NEGR1: variants seen among roughly 807,000 people sequenced by gnomAD.
NEGR1 encodes the protein neuronal growth regulator 1.
NEGR1 carries 10 observed loss-of-function variants against 40.9 expected under a neutral mutation model. The observed-to-expected ratio is 0.24, with a 90% CI of 0.15 to 0.42. The LOEUF (loss-of-function observed/expected upper bound fraction) is 0.42, where lower values mean the gene tolerates loss of function less well. Ranked by LOEUF, NEGR1 falls within the 10% of genes least tolerant of loss-of-function variation. The pLI is 1.00. For missense variants in NEGR1, 352 were observed against 438.9 expected, an observed-to-expected ratio of 0.80 and a Z score of 1.77; for synonymous variants, 185 against 166.8, an observed-to-expected ratio of 1.11 and a Z score of -0.84.
At chr1:72,030,031 G>A (rs200491787) in intron 1 of NEGR1, among the ~76,000 whole-genome samples, 1 of 150,372 alleles carries the variant, frequency 6.7e-6, no homozygotes, top group African/African-American at 2.4e-5. Context: ...AGTGAAATAT[G>A]AAAAAAAAAA....
chr1:71,740,217 T>C (rs1024461951), intron 3 of NEGR1, among the ~76,000 whole-genome samples: 4 of 152,238 alleles, frequency 2.6e-5, no homozygotes, highest in African/African-American at 9.6e-5. Context: ...AACGTTTTGT[T>C]CTACGTCACA....
chr1:71,787,663 T>C (rs1024009479), intron 2 of NEGR1, among the ~76,000 whole-genome samples: 8 of 152,140 alleles, frequency 5.3e-5, no homozygotes, highest in Non-Finnish European at 5.9e-5. Flanking sequence ...TGAAGACACT[T>C]CATCATTACA....
At chr1:71,430,698 A>G (rs1646459998) in intron 6 of NEGR1, among the ~76,000 whole-genome samples, 1 of 137,290 alleles carries the variant, frequency 7.3e-6, no homozygotes. Flanking sequence ...GAATTAAAAA[A>G]AGGCCTTTTT....
intron 1 of NEGR1, among the ~76,000 whole-genome samples, chr1:72,006,895 T>C (rs1646612561): frequency 6.6e-6 from 1 of 152,148 alleles, no homozygotes. Context: ...AGTACATTGT[T>C]AACCACATTT....
intron 6 of NEGR1, among the ~76,000 whole-genome samples, chr1:71,457,289 G>A (rs1646679675): frequency 6.6e-6 from 1 of 152,076 alleles, no homozygotes; most frequent in Non-Finnish European, 1.5e-5. Context: ...CCTGCTTAAG[G>A]GCTTTCAATG....
At chr1:71,565,493 A>G (rs4649941) in intron 6 of NEGR1, among the ~76,000 whole-genome samples, 38,560 of 152,024 alleles carry the variant, frequency 0.25, 6,115 homozygotes, top group East Asian at 0.56. Context: ...GTGATTGCCA[A>G]ACTGGTGTTG....
chr1:71,827,481 A>AT (rs1482068445), intron 2 of NEGR1, among the ~76,000 whole-genome samples: 4 of 151,754 alleles, frequency 2.6e-5, no homozygotes, highest in Non-Finnish European at 4.4e-5. Context: ...AATGCCATAG[A>AT]TTTTTCCTTA....
chr1:72,008,830 A>G (rs1195746459), intron 1 of NEGR1, among the ~76,000 whole-genome samples: 1 of 152,074 alleles, frequency 6.6e-6, no homozygotes, highest in Non-Finnish European at 1.5e-5. Flanking sequence ...AATGACCCAT[A>G]GCATGTTAAT....
chr1:71,623,155 T>A (rs549649512), intron 4 of NEGR1, among the ~76,000 whole-genome samples: 1 of 151,560 alleles, frequency 6.6e-6, no homozygotes, highest in South Asian at 2.1e-4. Context: ...AAGAAAAAAA[T>A]AAGATTTATA....
chr1:71,875,882 A>C (rs1660413742), intron 2 of NEGR1, among the ~76,000 whole-genome samples: 1 of 152,236 alleles, frequency 6.6e-6, no homozygotes, highest in Admixed American at 6.5e-5. Flanking sequence ...AAAAAATGGA[A>C]AGGCTCGATG....
In NEGR1 at chr1:71,620,264, C is replaced by T. The variant is rs115699557; in HGVS notation, c.668-9118G>A. 4.1e-3 allele frequency among the ~76,000 whole-genome samples: 620 copies of T among 152,034 alleles called. 7 individuals carry two copies. The highest frequency in any genetic ancestry group is 0.014 in the African/African-American group (591 of 41,526). On this transcript the variant is annotated intron_variant, in intron 4 of 6. Coordinates refer to ENST00000357731, the MANE Select transcript of NEGR1 (RefSeq NM_173808.3). ...TTTAGAGTCTATAAAGAGGAAAAAT[C>T]GGTCCTACAGAATCCACATGGTTTG...
chr1:71,489,551 T>C (rs1322199378), intron 6 of NEGR1, among the ~76,000 whole-genome samples: 2 of 151,998 alleles, frequency 1.3e-5, no homozygotes, highest in Non-Finnish European at 2.9e-5. Context: ...GGAAAGGTTG[T>C]GTTACTAATA....
At chr1:71,613,527 A>G (rs920183058) in intron 4 of NEGR1, among the ~76,000 whole-genome samples, 5 of 151,954 alleles carry the variant, frequency 3.3e-5, no homozygotes, top group African/African-American at 7.3e-5. Context: ...GGCACCTGTA[A>G]TCCCAGCTGA....
At chr1:72,241,309 A>C (rs1183839090) in intron 1 of NEGR1, among the ~76,000 whole-genome samples, 1 of 151,754 alleles carries the variant, frequency 6.6e-6, no homozygotes, top group African/African-American at 2.4e-5. Context: ...TTAAATTTAA[A>C]TAGCAAATAT....
intron 1 of NEGR1, among the ~76,000 whole-genome samples, chr1:71,987,898 G>A (rs560713306): frequency 1.4e-3 from 218 of 151,654 alleles, no homozygotes; most frequent in Non-Finnish European, 2.5e-3. Flanking sequence ...TTTGACATAC[G>A]GAATTTGAAA....
intron 5 of NEGR1, among the ~76,000 whole-genome samples, chr1:71,609,556 A>AAAG (rs1650183502): frequency 7.4e-6 from 1 of 135,036 alleles, no homozygotes; most frequent in Non-Finnish European, 1.6e-5. Context: ...AAAAAAAAAA[A>AAAG]GAAATGAGAC....
chr1:71,898,619 A>C (rs903628665), intron 2 of NEGR1, among the ~76,000 whole-genome samples: 5 of 151,782 alleles, frequency 3.3e-5, no homozygotes, highest in African/African-American at 9.7e-5. Context: ...CGTCTCAAAA[A>C]ACAAAGAAAC....
intron 1 of NEGR1, among the ~76,000 whole-genome samples, chr1:72,156,803 C>G (rs1416787484): frequency 6.6e-6 from 1 of 152,052 alleles, no homozygotes; most frequent in East Asian, 1.9e-4. Flanking sequence ...AATTTGAACA[C>G]AAAATTTTTT....
At chr1:71,869,311 T>C (rs1296995154) in intron 2 of NEGR1, among the ~76,000 whole-genome samples, 1 of 152,094 alleles carries the variant, frequency 6.6e-6, no homozygotes, top group Non-Finnish European at 1.5e-5. Context: ...GCTAAACTGA[T>C]AAATATAGAC....
Sources: allele counts gnomAD v4.1 joint callset (sites outside exome capture counted in the v4.1 genomes callset), GRCh38; gene constraint gnomAD v4.1.1; transcripts MANE v1.5; gene names NCBI Gene and HGNC (gene_info 2026-07-23, HGNC 2026-07-21).